Variants in ELAVL2 observed in about 807,000 individuals in gnomAD.
ELAVL2 encodes ELAV like RNA binding protein 2.
ELAVL2 carries 4 observed loss-of-function variants against 34.6 expected under a neutral mutation model. The observed-to-expected ratio is 0.12, with a 90% CI of 0.06 to 0.26. ELAVL2 has a LOEUF of 0.26. ELAVL2 is among the 10% of genes least tolerant of loss of function. The probability of loss-of-function intolerance (pLI) is 1.00; values close to 1 mark genes in which losing one functional copy is unlikely to be tolerated. For synonymous variants in ELAVL2, 193 were observed against 154.8 expected (o/e 1.25, Z -1.83); for missense variants, 432 against 442.8 (o/e 0.98, Z 0.22).
chr9:23,779,979 T>TA (rs61251366), intron 1 of ELAVL2, among the ~76,000 whole-genome samples: 1 of 48,254 alleles, frequency 2.1e-5, no homozygotes, highest in Non-Finnish European at 4.0e-5. Context: ...TAGTGTTCCT[T>TA]AAAAAAAAAA....
intron 1 of ELAVL2, among the ~76,000 whole-genome samples, chr9:23,814,296 T>C (rs1249635026): frequency 1.3e-5 from 2 of 152,032 alleles, no homozygotes; most frequent in Non-Finnish European, 2.9e-5. Flanking sequence ...TAAGAGCCAA[T>C]GCAAAAGCCC....
At chr9:23,770,986 T>C (rs759237954) in intron 1 of ELAVL2, among the ~76,000 whole-genome samples, 1 of 152,100 alleles carries the variant, frequency 6.6e-6, no homozygotes, top group African/African-American at 2.4e-5. Flanking sequence ...CCGGAACACA[T>C]AGGGCCTTGA....
chr9:23,728,901 G>A (rs2045894519), intron 3 of ELAVL2, among the ~76,000 whole-genome samples: 1 of 152,062 alleles, frequency 6.6e-6, no homozygotes, highest in Admixed American at 6.6e-5. Context: ...AATAGGGGCG[G>A]GGAAAGAAGT....
chr9:23,811,154 A>G (rs1027057035), intron 1 of ELAVL2, among the ~76,000 whole-genome samples: 2 of 152,136 alleles, frequency 1.3e-5, no homozygotes, highest in African/African-American at 4.8e-5. Flanking sequence ...TCACCCTACC[A>G]TCCACAAAAC....
At chr9:23,736,091 G>A (rs1158064771) in intron 2 of ELAVL2, among the ~76,000 whole-genome samples, 2 of 151,960 alleles carry the variant, frequency 1.3e-5, no homozygotes, top group Non-Finnish European at 2.9e-5. Flanking sequence ...TTCATTCAAA[G>A]GTCACTTTAT....
At chr9:23,795,825 A>C (rs1162662985) in intron 1 of ELAVL2, among the ~76,000 whole-genome samples, 1 of 152,224 alleles carries the variant, frequency 6.6e-6, no homozygotes, top group African/African-American at 2.4e-5. Context: ...AGTTGATTTT[A>C]TTGCTATTTA....
the ELAVL2 span, among the ~76,000 whole-genome samples, chr9:23,844,903 G>C: frequency 6.6e-6 from 1 of 151,882 alleles, no homozygotes; most frequent in South Asian, 2.1e-4. Flanking sequence ...GATAATTGTG[G>C]TGCATAGCTT....
Position 23,778,860 on chromosome 9 carries a change from T to C in ELAVL2, c.-15-16611A>G, listed in dbSNP as rs796262448. Among the ~76,000 whole-genome samples, 55 of 152,316 alleles carry C rather than the reference T, an allele frequency of 3.6e-4. 1 individual carries two copies. Among genetic ancestry groups the C allele is most frequent in the African/African-American group, 1.3e-3 (55 of 41,572 alleles). ...ACTGCCACAGACATTCAAAGCACTCTAAATAACTCATTTTGGCCTGTTTAT... is the reference window on the plus strand; with the variant it reads ...ACTGCCACAGACATTCAAAGCACTCCAAATAACTCATTTTGGCCTGTTTAT... On this transcript the variant is annotated intron_variant, in intron 1 of 6. Coordinates refer to ENST00000397312, the MANE Select transcript of ELAVL2 (RefSeq NM_004432.5).
At chr9:23,789,927 C>G (rs976348519) in intron 1 of ELAVL2, among the ~76,000 whole-genome samples, 2 of 152,228 alleles carry the variant, frequency 1.3e-5, no homozygotes, top group Admixed American at 6.5e-5. Flanking sequence ...ACAGGTAGGA[C>G]ACTCAGAGGT....
intron 1 of ELAVL2, among the ~76,000 whole-genome samples, chr9:23,822,496 G>C (rs963508464): frequency 6.6e-6 from 1 of 152,086 alleles, no homozygotes; most frequent in Non-Finnish European, 1.5e-5. Flanking sequence ...TCTTCACCGA[G>C]GGGGCGTCCC....
intron 1 of ELAVL2, chr9:23,821,496 T>C (rs898366786): frequency 1.3e-5 from 2 of 152,142 alleles, no homozygotes; most frequent in East Asian, 2.0e-4. Context: ...GCACCACCCC[T>C]ACCCTGCTAG....
At chr9:23,773,553 ATATATG>A (rs2057684366) in intron 1 of ELAVL2, among the ~76,000 whole-genome samples, 1 of 152,210 alleles carries the variant, frequency 6.6e-6, no homozygotes, top group Non-Finnish European at 1.5e-5. Context: ...GTGTATGAGC[ATATATG>A]TATATGTATA....
At chr9:23,693,171 A>T (rs1371070610) in intron 6 of ELAVL2, among the ~76,000 whole-genome samples, 1 of 152,240 alleles carries the variant, frequency 6.6e-6, no homozygotes, top group Non-Finnish European at 1.5e-5. Context: ...TGAATTAAGC[A>T]GGATTGGCAG....
chr9:23,783,639 C>T (rs2059345006), intron 1 of ELAVL2: 1 of 437,544 alleles, frequency 2.3e-6, no homozygotes, highest in South Asian at 9.7e-5. Context: ...ACATGCAAAT[C>T]CTATGTGCAG....
At chr9:23,824,734 A>G (rs1294825189) in intron 1 of ELAVL2, among the ~76,000 whole-genome samples, 1 of 152,088 alleles carries the variant, frequency 6.6e-6, no homozygotes, top group Non-Finnish European at 1.5e-5. Flanking sequence ...TTTCTCCTAA[A>G]CCCTGAGAAA....
chr9:23,801,109 G>C (rs1021167641), intron 1 of ELAVL2, among the ~76,000 whole-genome samples: 1 of 152,154 alleles, frequency 6.6e-6, no homozygotes, highest in Non-Finnish European at 1.5e-5. Context: ...CTACCTAACA[G>C]ACACAGAAGC....
At chr9:23,785,609 C>T (rs994309392) in intron 1 of ELAVL2, among the ~76,000 whole-genome samples, 4 of 152,188 alleles carry the variant, frequency 2.6e-5, no homozygotes, top group African/African-American at 9.6e-5. Context: ...ATAGCTCAAT[C>T]CTCACTGTCT....
intron 4 of ELAVL2, among the ~76,000 whole-genome samples, chr9:23,703,253 A>C (rs1431151836): frequency 5.3e-5 from 8 of 152,202 alleles, no homozygotes; most frequent in Non-Finnish European, 8.8e-5. Flanking sequence ...ACCTACTCTC[A>C]ATTCACAAGA....
At chr9:23,850,201 G>C in the ELAVL2 span, among the ~76,000 whole-genome samples, 5 of 151,708 alleles carry the variant, frequency 3.3e-5, no homozygotes, top group Non-Finnish European at 5.9e-5. Flanking sequence ...GCCGCCTTTT[G>C]ACCGTGGACT....
Sources: gnomAD v4.1 joint callset for allele counts (sites outside exome capture counted in the v4.1 genomes callset) on GRCh38, gnomAD v4.1.1 for gene constraint, MANE v1.5 for transcripts, NCBI Gene and HGNC (gene_info 2026-07-23, HGNC 2026-07-21) for gene names.